The following PARD3B variants were observed in gnomAD, a reference collection of about 807,000 sequenced individuals.
PARD3B encodes par-3 family cell polarity regulator beta, also known as partitioning defective 3 homolog B.
PARD3B carries 103 observed loss-of-function variants against 130.2 expected under a neutral mutation model. The ratio of observed to expected loss-of-function variants is 0.79; its 90% CI spans 0.67 to 0.93. PARD3B has a LOEUF of 0.93. Ranked by LOEUF, PARD3B falls within the 40% of genes least tolerant of loss-of-function variation. PARD3B has a pLI of 0.00. For missense variants in PARD3B, 1,609 were observed against 1,499.2 expected, an observed-to-expected ratio of 1.07 and a Z score of -1.21; for synonymous variants, 583 against 553.2, an observed-to-expected ratio of 1.05 and a Z score of -0.76.
At chr2:204,765,579 A>G (rs1280846995) in intron 2 of PARD3B, among the ~76,000 whole-genome samples, 1 of 152,202 alleles carries the variant, frequency 6.6e-6, no homozygotes, top group Admixed American at 6.5e-5. Flanking sequence ...AAAGTCTTTT[A>G]TAGTATTATT....
chr2:204,893,710 C>T (rs1242321160), intron 2 of PARD3B, among the ~76,000 whole-genome samples: 5 of 151,978 alleles, frequency 3.3e-5, no homozygotes, highest in Non-Finnish European at 5.9e-5. Flanking sequence ...TCTTGAAAAC[C>T]CATGTGTATT....
chr2:205,185,681 T>G, intron 13 of PARD3B, 83 bp from the exon 14 acceptor site: 2 of 1,135,444 alleles, frequency 1.8e-6, no homozygotes, highest in Non-Finnish European at 2.7e-6. Context: ...TAAAACTGCG[T>G]CTGAGAGAGA....
chr2:204,685,858 T>A lies in PARD3B; in HGVS notation c.121-323T>A, dbSNP rs78239500. On this transcript the variant is annotated intron_variant, in intron 1 of 22. Coordinates refer to ENST00000406610, the MANE Select transcript of PARD3B (RefSeq NM_001302769.2). ...AGTACCCTCAAGAAGATCTTTCTTT[T>A]CCAGAGTATTCTTGGAATTACCTGA... is the stretch of plus-strand genomic sequence containing the variant. 0.012 allele frequency among the ~76,000 whole-genome samples: 1,831 copies of A among 152,280 alleles called. 72 individuals are homozygous for A. The East Asian group carries it at 0.14, about 12-fold the overall frequency.
intron 1 of PARD3B, among the ~76,000 whole-genome samples, chr2:204,611,136 T>G (rs1163636583): frequency 6.6e-6 from 1 of 152,136 alleles, no homozygotes; most frequent in Non-Finnish European, 1.5e-5. Flanking sequence ...CTCAGTCCTG[T>G]TAGGGGAGTG....
chr2:204,829,955 C>T (rs914936210), intron 2 of PARD3B, among the ~76,000 whole-genome samples: 11 of 144,934 alleles, frequency 7.6e-5, no homozygotes, highest in Non-Finnish European at 1.6e-4. Context: ...GCCGAGATCG[C>T]GCCACTGCAC....
chr2:205,222,814 T>G (rs2038312759), intron 15 of PARD3B, among the ~76,000 whole-genome samples: 1 of 151,888 alleles, frequency 6.6e-6, no homozygotes, highest in Admixed American at 6.6e-5. Flanking sequence ...GAGAATGAGG[T>G]TTCCTAGGAG....
intron 1 of PARD3B, among the ~76,000 whole-genome samples, chr2:204,599,584 A>G (rs755894809): frequency 6.6e-6 from 1 of 152,066 alleles, no homozygotes; most frequent in East Asian, 1.9e-4. Flanking sequence ...GTATCAGTTC[A>G]TCTTTCATTG....
rs2041486113 is a variant in PARD3B at position 205,288,638 on chromosome 2, C to T, written c.2186-11892C>T. Among the ~76,000 whole-genome samples, 1 of 152,116 alleles carries T rather than the reference C, an allele frequency of 6.6e-6. No individual in the cohort carries two copies. Among genetic ancestry groups the T allele is most frequent in the African/African-American group, 2.4e-5 (1 of 41,420 alleles). On this transcript the variant is annotated intron_variant, in intron 16 of 22. Coordinates refer to ENST00000406610, the MANE Select transcript of PARD3B (RefSeq NM_001302769.2). This position sits in a 1 kb window ranked among gnomAD's most constrained non-coding sequence, Gnocchi z 4.0. ...TATCCTTTCTACTCATGTTTATTTC[C>T]CACCAATCTCTACCACATTGTTTTT...
At chr2:205,001,217 G>T in intron 3 of PARD3B, among the ~76,000 whole-genome samples, 1 of 152,122 alleles carries the variant, frequency 6.6e-6, no homozygotes. Context: ...TCGAACTCCT[G>T]ACCTCAGGTG....
intron 22 of PARD3B, among the ~76,000 whole-genome samples, chr2:205,578,172 G>A (rs1373917802): frequency 6.6e-6 from 1 of 152,144 alleles, no homozygotes; most frequent in African/African-American, 2.4e-5. Flanking sequence ...CCCAGGAATT[G>A]ATTTCCCCAC....
chr2:204,568,101 C>G (rs749229869), intron 1 of PARD3B, among the ~76,000 whole-genome samples: 15 of 152,094 alleles, frequency 9.9e-5, no homozygotes, highest in Non-Finnish European at 2.2e-4. Context: ...ACCTTTTAGA[C>G]TTGAGAAAGA....
rs141370410 is a variant in PARD3B, at chr2:205,258,826, C to G, written c.2185+13004C>G. Among the ~76,000 whole-genome samples the G allele has an allele frequency of 6.6e-6, 1 of 152,156 alleles. No individual in the cohort carries two copies. The highest frequency in any genetic ancestry group is 2.1e-4 in the South Asian group (1 of 4,832). ...AACACATTTACATTTATTGCAATTA[C>G]TAGCATATTTAGATTTATGTTTTAT... On this transcript the variant is annotated intron_variant, in intron 16 of 22. Coordinates refer to ENST00000406610, the MANE Select transcript of PARD3B (RefSeq NM_001302769.2). The surrounding 1 kb of genome is among the most constrained non-coding windows in gnomAD (Gnocchi z 4.9).
At chr2:205,081,706 C>A (rs1024192504) in intron 4 of PARD3B, among the ~76,000 whole-genome samples, 2 of 148,546 alleles carry the variant, frequency 1.3e-5, no homozygotes, top group Non-Finnish European at 3.1e-5. Context: ...AATGTTAAAT[C>A]AAGTTTGCAT....
At chr2:205,603,999 C>T (rs895217656) in intron 22 of PARD3B, among the ~76,000 whole-genome samples, 1 of 152,086 alleles carries the variant, frequency 6.6e-6, no homozygotes, top group African/African-American at 2.4e-5. Context: ...TTTTCCTTTC[C>T]ATATTTAGTG....
intron 15 of PARD3B, among the ~76,000 whole-genome samples, chr2:205,231,104 T>G (rs1369913153): frequency 2.6e-5 from 4 of 152,136 alleles, no homozygotes; most frequent in Non-Finnish European, 5.9e-5. Context: ...AAGTGGTTAC[T>G]GTGATCACTC....
chr2:205,100,672 C>T (rs781512091), intron 4 of PARD3B, among the ~76,000 whole-genome samples: 2 of 151,828 alleles, frequency 1.3e-5, no homozygotes, highest in African/African-American at 4.8e-5. Context: ...ATTGAGGATC[C>T]GGAAATATAC....
intron 20 of PARD3B, among the ~76,000 whole-genome samples, chr2:205,462,200 C>T (rs2048474826): frequency 6.6e-6 from 1 of 152,170 alleles, no homozygotes; most frequent in African/African-American, 2.4e-5. Context: ...TCTTGGAATA[C>T]AGCCCTAGAA....
intron 2 of PARD3B, among the ~76,000 whole-genome samples, chr2:204,880,279 AT>A (rs777350754): frequency 6.6e-6 from 1 of 152,190 alleles, no homozygotes; most frequent in African/African-American, 2.4e-5. Context: ...GTTTCATTTA[AT>A]AGTATATGAT....
chr2:205,039,397 T>C (rs1453851996), intron 3 of PARD3B, among the ~76,000 whole-genome samples: 2 of 152,180 alleles, frequency 1.3e-5, no homozygotes, highest in East Asian at 3.9e-4. Flanking sequence ...GTACTCAGCT[T>C]CCACCATACC....
Sources: gnomAD v4.1 joint callset for allele counts (sites outside exome capture counted in the v4.1 genomes callset) on GRCh38, gnomAD v4.1.1 for gene constraint, Gnocchi (gnomAD v3.1) non-coding constraint, MANE v1.5 for transcripts, NCBI Gene and HGNC (gene_info 2026-07-23, HGNC 2026-07-21) for gene names.